The following GPC5 variants were observed in gnomAD, a reference collection of about 807,000 sequenced individuals.
The protein encoded by GPC5 is glypican 5.
Under a neutral mutation model 53.9 loss-of-function variants are expected in GPC5, and 47 were observed. The ratio of observed to expected loss-of-function variants is 0.87; its 90% CI spans 0.69 to 1.11. GPC5 has a LOEUF of 1.11. Among genes scored for constraint, GPC5 ranks in the 50% most tolerant of loss-of-function variants. GPC5 has a pLI of 0.00. For synonymous variants in GPC5, 286 were observed against 263.3 expected (o/e 1.09, Z -0.84); for missense variants, 748 against 713.1 (o/e 1.05, Z -0.56).
rs567445848 is a variant in GPC5 at position 92,121,281 on chromosome 13, A to G, written c.1402-23549A>G. Among the ~76,000 whole-genome samples the G allele has an allele frequency of 1.1e-3, 164 of 152,186 alleles. 1 individual carries two copies. Among genetic ancestry groups the G allele is most frequent in the African/African-American group, 3.6e-3 (151 of 41,520 alleles). ...GCTTAGTCACAGGGTGGGGAGTCAC[A>G]TTTGTGGGGGTTGGGTGAAAGTTCT... On this transcript the variant is annotated intron_variant, in intron 6 of 7. Transcript: ENST00000377067.
chr13:91,626,478 G>T (rs1342245867), intron 2 of GPC5, among the ~76,000 whole-genome samples: 1 of 151,950 alleles, frequency 6.6e-6, no homozygotes. Context: ...CTGTATAAAA[G>T]GTCTTTGTAA....
chr13:92,565,106 T>A (rs1882822323), intron 7 of GPC5, among the ~76,000 whole-genome samples: 1 of 152,010 alleles, frequency 6.6e-6, no homozygotes, highest in African/African-American at 2.4e-5. Context: ...CATTCTGGAG[T>A]CCACTAATAC....
At chr13:92,406,564 G>A (rs542357729) in intron 7 of GPC5, among the ~76,000 whole-genome samples, 2 of 152,242 alleles carry the variant, frequency 1.3e-5, no homozygotes, top group South Asian at 2.1e-4. Context: ...TTGTGTGGGG[G>A]TCATTAGGAT....
intron 2 of GPC5, among the ~76,000 whole-genome samples, chr13:91,565,735 C>T (rs757479630): frequency 5.3e-5 from 8 of 152,150 alleles, no homozygotes; most frequent in Non-Finnish European, 1.0e-4. Context: ...TTATTCATTT[C>T]CTAGAACTGC....
At chr13:91,613,963 C>T (rs2033628277) in intron 2 of GPC5, among the ~76,000 whole-genome samples, 1 of 152,136 alleles carries the variant, frequency 6.6e-6, no homozygotes, top group African/African-American at 2.4e-5. Flanking sequence ...CAAACAAGAC[C>T]ATGAAGTTGC....
intron 4 of GPC5, among the ~76,000 whole-genome samples, chr13:91,730,846 G>A (rs1040167817): frequency 7.2e-5 from 11 of 152,116 alleles, no homozygotes; most frequent in Admixed American, 6.6e-4. Context: ...TATCTTAGGT[G>A]CAGAAATTTT....
intron 7 of GPC5, among the ~76,000 whole-genome samples, chr13:92,195,605 T>C (rs1342936046): frequency 6.6e-6 from 1 of 152,136 alleles, no homozygotes; most frequent in African/African-American, 2.4e-5. Flanking sequence ...TCAGTAGCCA[T>C]GGTGAAGTTA....
chr13:92,600,240 A>C (rs1355613651), intron 7 of GPC5, among the ~76,000 whole-genome samples: 1 of 152,108 alleles, frequency 6.6e-6, no homozygotes, highest in Admixed American at 6.5e-5. Context: ...ATATTTAGTG[A>C]AGTATGGATA....
intron 7 of GPC5, among the ~76,000 whole-genome samples, chr13:92,528,577 A>G (rs181299757): frequency 6.6e-6 from 1 of 152,198 alleles, no homozygotes; most frequent in Admixed American, 6.5e-5. Context: ...AGTGATTTAT[A>G]TAAATAGTAT....
chr13:92,502,083 A>T (rs1226404522), intron 7 of GPC5, among the ~76,000 whole-genome samples: 7 of 152,094 alleles, frequency 4.6e-5, no homozygotes, highest in Non-Finnish European at 1.0e-4. Context: ...GTTTGGTAAT[A>T]TATAGTAATG....
intron 7 of GPC5, among the ~76,000 whole-genome samples, chr13:92,629,108 A>G (rs976387935): frequency 2.2e-4 from 33 of 152,308 alleles, no homozygotes; most frequent in African/African-American, 7.7e-4. Flanking sequence ...ACAACGAGAA[A>G]GATCCAAGGA....
intron 4 of GPC5, among the ~76,000 whole-genome samples, chr13:91,738,422 C>G (rs1482396464): frequency 4.6e-5 from 7 of 151,164 alleles, no homozygotes; most frequent in African/African-American, 7.4e-5. Flanking sequence ...AACTAGCTAC[C>G]TTTTTTTGGG....
intron 7 of GPC5, among the ~76,000 whole-genome samples, chr13:92,863,964 A>C (rs969017648): frequency 6.6e-5 from 10 of 152,218 alleles, no homozygotes; most frequent in African/African-American, 2.2e-4. Flanking sequence ...GTATTCAAAA[A>C]TTACTTTGTT....
intron 7 of GPC5, among the ~76,000 whole-genome samples, chr13:92,332,606 A>T (rs1300933637): frequency 6.6e-6 from 1 of 152,214 alleles, no homozygotes; most frequent in East Asian, 1.9e-4. Flanking sequence ...AACATATGTT[A>T]ATAACTATTA....
At chr13:92,100,142 C>T (rs1425820526) in intron 6 of GPC5, among the ~76,000 whole-genome samples, 2 of 152,100 alleles carry the variant, frequency 1.3e-5, no homozygotes, top group Admixed American at 6.6e-5. Context: ...CAGTGGCTCA[C>T]GCCTGTAATC....
chr13:91,486,450 CTT>C (rs1040294762), intron 2 of GPC5: 1 of 152,152 alleles, frequency 6.6e-6, no homozygotes, highest in Non-Finnish European at 1.5e-5. Flanking sequence ...ATTGGGTTTT[CTT>C]TAGGGGTCTT....
At position 92,171,880 on chromosome 13, in the gene GPC5, A is replaced by G. The variant is rs149594850; in HGVS notation, c.1561+26891A>G. On this transcript the variant is annotated intron_variant, in intron 7 of 7. Coordinates refer to ENST00000377067, the MANE Select transcript of GPC5 (RefSeq NM_004466.6). ...ACCCTCATCCTGAAACCTGCTTCCT[A>G]TCTTAATGACTGTTACCATCATTCA... Among the ~76,000 whole-genome samples the G allele has an allele frequency of 6.6e-3, 1,012 of 152,280 alleles. 15 individuals carry two copies. The highest frequency in any genetic ancestry group is 0.023 in the African/African-American group (946 of 41,560).
intron 7 of GPC5, among the ~76,000 whole-genome samples, chr13:92,234,792 G>A (rs1323968972): frequency 6.6e-6 from 1 of 152,100 alleles, no homozygotes; most frequent in Non-Finnish European, 1.5e-5. Flanking sequence ...GGTGCAGGTG[G>A]AAGAGGAGGG....
chr13:92,670,675 C>T (rs114697117), intron 7 of GPC5, among the ~76,000 whole-genome samples: 290 of 152,186 alleles, frequency 1.9e-3, no homozygotes, highest in African/African-American at 6.8e-3. Flanking sequence ...CAAAAACAGA[C>T]CATAGAATTT....
Sources: gnomAD v4.1 joint callset for allele counts (sites outside exome capture counted in the v4.1 genomes callset) on GRCh38, gnomAD v4.1.1 for gene constraint, MANE v1.5 for transcripts, NCBI Gene and HGNC (gene_info 2026-07-23, HGNC 2026-07-21) for gene names.